The following RMND1 variants were observed in gnomAD, a reference collection of about 807,000 sequenced individuals.
RMND1 encodes the protein required for meiotic nuclear division 1 homolog, also known as required for meiotic nuclear division protein 1 homolog.
A neutral mutation model predicts 54.0 loss-of-function variants in RMND1; 41 were observed. That is an observed-to-expected ratio of 0.76 (90% CI 0.59 to 0.98). The LOEUF is 0.98. RMND1 is among the 50% of genes least tolerant of loss of function. RMND1 has a pLI of 0.00. For synonymous variants in RMND1, 183 were observed against 181.7 expected, an observed-to-expected ratio of 1.01 and a Z score of -0.06; for missense variants, 457 against 532.0, an observed-to-expected ratio of 0.86 and a Z score of 1.39.
chr6:151,445,462 T>A lies in RMND1; in HGVS notation c.350A>T (p.Lys117Ile). 6.2e-7 allele frequency: 1 copy of A among 1,614,180 alleles called. No individual in the cohort carries two copies. The highest frequency in any genetic ancestry group is 8.5e-7 in the Non-Finnish European group (1 of 1,180,034). Reference sequence around the variant, plus strand: ...CCTCTTTAATATTTTTATAAACCATTTAGAACCCAACAGATTTGGTTTGTG... The same window carrying A: ...CCTCTTTAATATTTTTATAAACCATATAGAACCCAACAGATTTGGTTTGTG... ...VTHKPNLLGS[K>I]WFIKILKRHF... The change falls in exon 2 of 12, where the codon AAA (lysine) becomes ATA (isoleucine). Residue 117 changes from lysine to isoleucine, a missense_variant. Lys to Ile is a moderately radical substitution (Grantham distance 102). Transcript: ENST00000444024.
intron 2 of RMND1, among the ~76,000 whole-genome samples, chr6:151,438,809 T>TTTC (rs571703149): frequency 8.1e-6 from 1 of 122,886 alleles, no homozygotes; most frequent in Non-Finnish European, 1.9e-5. Context: ...TTTTTTTTTT[T>TTTC]CCAAAAAAAA....
At chr6:151,435,392 C>T (rs1780575432) in intron 3 of RMND1, among the ~76,000 whole-genome samples, 1 of 151,980 alleles carries the variant, frequency 6.6e-6, no homozygotes, top group Non-Finnish European at 1.5e-5. Context: ...ATGATCCACC[C>T]ACCTCAGCCT....
chr6:151,423,712 T>C, intron 6 of RMND1, 81 bp from the exon 7 acceptor site: 4 of 910,188 alleles, frequency 4.4e-6, no homozygotes, highest in South Asian at 1.4e-5. Context: ...CCATATCATC[T>C]TTCTGGAGGT....
intron 5 of RMND1, among the ~76,000 whole-genome samples, chr6:151,429,428 C>T (rs1264479620): frequency 6.6e-6 from 1 of 152,144 alleles, no homozygotes; most frequent in Non-Finnish European, 1.5e-5. Context: ...GCCGTATAAT[C>T]TGCTCTTTTA....
intron 3 of RMND1, 55 bp downstream of exon 3, chr6:151,436,391 G>A: frequency 6.2e-7 from 1 of 1,603,072 alleles, no homozygotes; most frequent in Non-Finnish European, 8.5e-7. Flanking sequence ...TAGTATCATA[G>A]GAAAATTATC....
chr6:151,430,204 C>T (rs763494414), intron 4 of RMND1, 27 bp from the exon 5 acceptor site: 1 of 1,529,966 alleles, frequency 6.5e-7, no homozygotes, highest in South Asian at 1.1e-5. Context: ...AAAGAAACAA[C>T]TAAGATACAG....
At chr6:151,411,627 G>C (rs1402745636) in intron 10 of RMND1, 1 of 152,158 alleles carries the variant, frequency 6.6e-6, no homozygotes. Context: ...CTCAGTTGCA[G>C]ACTTGACTTC....
chr6:151,449,276 G>A (rs927098530), intron 1 of RMND1, among the ~76,000 whole-genome samples: 3 of 151,314 alleles, frequency 2.0e-5, no homozygotes, highest in African/African-American at 7.3e-5. Context: ...GGCCAAGGCA[G>A]GAGAATCGCC....
chr6:151,413,787 T>A (rs889402560), intron 10 of RMND1: 9 of 152,110 alleles, frequency 5.9e-5, no homozygotes, highest in African/African-American at 2.4e-5. Flanking sequence ...GTTGATGGAG[T>A]CCACTGAATT....
intron 2 of RMND1, among the ~76,000 whole-genome samples, chr6:151,440,118 G>A (rs544300648): frequency 2.0e-5 from 3 of 150,880 alleles, no homozygotes; most frequent in Admixed American, 6.6e-5. Flanking sequence ...CACCACACCT[G>A]GCTAATTTTT....
intron 8 of RMND1, among the ~76,000 whole-genome samples, chr6:151,421,719 T>C (rs926744023): frequency 5.3e-5 from 8 of 152,230 alleles, no homozygotes; most frequent in African/African-American, 1.9e-4. Flanking sequence ...ACTATTTTTC[T>C]CATAATTTAG....
intron 4 of RMND1, among the ~76,000 whole-genome samples, chr6:151,430,404 T>C (rs1348686460): frequency 6.6e-5 from 10 of 152,216 alleles, no homozygotes; most frequent in Non-Finnish European, 1.5e-5. Flanking sequence ...ATTTCTCACA[T>C]GGTTTGCCAA....
At chr6:151,428,179 G>C (rs939555592) in intron 5 of RMND1, among the ~76,000 whole-genome samples, 1 of 152,108 alleles carries the variant, frequency 6.6e-6, no homozygotes, top group Admixed American at 6.5e-5. Flanking sequence ...AAGCCACACA[G>C]GTGTGGGAGG....
At chr6:151,434,204 T>TA (rs1780533659) in intron 3 of RMND1, among the ~76,000 whole-genome samples, 1 of 152,192 alleles carries the variant, frequency 6.6e-6, no homozygotes, top group East Asian at 1.9e-4. Flanking sequence ...TTGCTTTATA[T>TA]ATTAGTATAG....
intron 3 of RMND1, among the ~76,000 whole-genome samples, chr6:151,435,031 T>C (rs989181283): frequency 6.6e-6 from 1 of 152,048 alleles, no homozygotes; most frequent in East Asian, 1.9e-4. Flanking sequence ...GTATTTTTAG[T>C]AAAGGTGGGG....
chr6:151,409,000 C>T (rs1191231924), intron 10 of RMND1: 1 of 152,206 alleles, frequency 6.6e-6, no homozygotes, highest in African/African-American at 2.4e-5. Context: ...AATGGGGAGG[C>T]CTTTGTTCAG....
intron 2 of RMND1, among the ~76,000 whole-genome samples, chr6:151,440,012 A>C (rs1780730498): frequency 6.6e-6 from 1 of 152,164 alleles, no homozygotes; most frequent in Non-Finnish European, 1.5e-5. Context: ...GCGTGAGGGC[A>C]GTGGTGCGAT....
chr6:151,416,171 G>C (rs375074377), intron 10 of RMND1, among the ~76,000 whole-genome samples: 1 of 152,024 alleles, frequency 6.6e-6, no homozygotes, highest in East Asian at 2.0e-4. Context: ...TAGAGACAGC[G>C]TTTTACCATA....
chr6:151,450,434 CCGTCTGGGAGGGAGGTGGGGG>C (rs1781119081), intron 1 of RMND1, among the ~76,000 whole-genome samples: 1 of 91,690 alleles, frequency 1.1e-5, no homozygotes, highest in Admixed American at 1.1e-4. Context: ...GCCAGCCACC[CCGTCTGGGAGGGAGGTGGGGG>C]GGCCAGCCCC....
Sources: gnomAD v4.1 joint callset for allele counts (sites outside exome capture counted in the v4.1 genomes callset) on GRCh38, gnomAD v4.1.1 for gene constraint, MANE v1.5 for transcripts, NCBI Gene and HGNC (gene_info 2026-07-23, HGNC 2026-07-21) for gene names.